The following STXBP5L variants were observed in gnomAD, a reference collection of about 807,000 sequenced individuals.
STXBP5L encodes syntaxin binding protein 5L.
A neutral mutation model predicts 144.5 loss-of-function variants in STXBP5L; 65 were observed. The observed-to-expected ratio is 0.45, with a 90% CI of 0.37 to 0.55. The LOEUF is 0.55. STXBP5L is among the 20% of genes least tolerant of loss of function. STXBP5L has a pLI of 0.00. For missense variants in STXBP5L, 1,298 were observed against 1,405.5 expected (o/e 0.92, Z 1.22); for synonymous variants, 505 against 469.6 (o/e 1.08, Z -0.97).
At chr3:121,044,731 T>C (rs867033863) in intron 4 of STXBP5L, among the ~76,000 whole-genome samples, 6 of 152,262 alleles carry the variant, frequency 3.9e-5, no homozygotes, top group Middle Eastern at 3.4e-3. Context: ...ATACAAACAG[T>C]TATTATCTGT....
At chr3:121,289,609 A>G (rs931389128) in intron 19 of STXBP5L, among the ~76,000 whole-genome samples, 4 of 152,216 alleles carry the variant, frequency 2.6e-5, no homozygotes, top group Non-Finnish European at 4.4e-5. Flanking sequence ...CATTCTATTC[A>G]TGAGCACATG....
intron 5 of STXBP5L, among the ~76,000 whole-genome samples, chr3:121,074,129 G>A (rs1178684075): frequency 1.3e-5 from 2 of 152,120 alleles, no homozygotes; most frequent in African/African-American, 2.4e-5. Flanking sequence ...AAATGATTGG[G>A]GGGTTTTTGA....
At chr3:120,914,495 A>T (rs921500787) in intron 2 of STXBP5L, among the ~76,000 whole-genome samples, 2 of 152,092 alleles carry the variant, frequency 1.3e-5, no homozygotes, top group Non-Finnish European at 2.9e-5. Context: ...AAATACAGGC[A>T]TGAACTGTAG....
chr3:121,276,656 A>G (rs1035066570), intron 18 of STXBP5L, among the ~76,000 whole-genome samples: 21 of 151,980 alleles, frequency 1.4e-4, no homozygotes, highest in African/African-American at 4.8e-4. Context: ...CTTACTGCAA[A>G]GATGCCACTC....
intron 10 of STXBP5L, among the ~76,000 whole-genome samples, chr3:121,215,629 T>C (rs2108269996): frequency 6.6e-6 from 1 of 152,340 alleles, no homozygotes; most frequent in Non-Finnish European, 1.5e-5. Context: ...CTGGCTGCCC[T>C]TAACATTTTT....
At chr3:121,233,541 TA>T in intron 11 of STXBP5L, 74 bp from the exon 12 acceptor site, 1 of 1,077,772 alleles carries the variant, frequency 9.3e-7, no homozygotes, top group Non-Finnish European at 1.3e-6. Flanking sequence ...TGTATAGGGA[TA>T]AAGGAAATGC....
intron 10 of STXBP5L, among the ~76,000 whole-genome samples, chr3:121,216,028 G>A (rs2048764330): frequency 1.3e-5 from 2 of 151,498 alleles, no homozygotes; most frequent in African/African-American, 2.4e-5. Flanking sequence ...CATGTGCTAT[G>A]TTTTTCAGCT....
In STXBP5L at chr3:121,378,871, C is replaced by T; in HGVS notation, c.2332C>T (p.Pro778Ser). ...AGCAGCCTGCATGGAGATTTCTTTA[C>T]CAGTTACAACAGAAGGTATGTTAAA... ...QSAACMEISL[P>S]VTTEENRENS... Residue 778 changes from proline to serine, a missense_variant, in exon 21 of 27, where the codon CCA becomes TCA. Transcript: ENST00000471454. The T allele has an allele frequency of 1.2e-6, 2 of 1,612,938 alleles. No homozygotes were observed. The highest frequency in any genetic ancestry group is 2.2e-5 in the East Asian group (1 of 44,842).
chr3:121,051,798 A>T (rs1027662593), intron 5 of STXBP5L, among the ~76,000 whole-genome samples: 1 of 152,238 alleles, frequency 6.6e-6, no homozygotes, highest in South Asian at 2.1e-4. Context: ...TGAAGCCAGG[A>T]GCTGGTTTTT....
At chr3:121,183,170 A>G (rs760738176) in intron 9 of STXBP5L, among the ~76,000 whole-genome samples, 22 of 152,204 alleles carry the variant, frequency 1.4e-4, no homozygotes, top group Non-Finnish European at 2.6e-4. Flanking sequence ...TCTAAGACAA[A>G]CCCACAGTCA....
At position 121,183,815 on chromosome 3, in the gene STXBP5L, T is replaced by C. The variant is rs554561046; in HGVS notation, c.878-22108T>C. The stretch of plus-strand genomic sequence containing the variant: ...TGACAGACACCTCATACAGGAGAGC[T>C]CCAGCTGGCATCTGGCAAGTGCCCA... On this transcript the variant is annotated intron_variant, in intron 9 of 26. Transcript: ENST00000471454. Among the ~76,000 whole-genome samples the C allele has an allele frequency of 3.3e-5, 5 of 151,982 alleles. No individual in the cohort carries two copies. The East Asian group carries it at 7.8e-4, about 24-fold the overall frequency.
intron 2 of STXBP5L, among the ~76,000 whole-genome samples, chr3:120,919,656 G>A (rs1275797307): frequency 6.6e-6 from 1 of 151,806 alleles, no homozygotes; most frequent in African/African-American, 2.4e-5. Context: ...CTCCCCACTA[G>A]CTATTTGGTG....
chr3:121,129,004 G>A (rs1186699953), intron 7 of STXBP5L, among the ~76,000 whole-genome samples: 1 of 151,976 alleles, frequency 6.6e-6, no homozygotes, highest in East Asian at 1.9e-4. Context: ...GTTAGATATA[G>A]GGTCAGAGCA....
chr3:121,395,356 TCAAA>T (rs1412256802), intron 22 of STXBP5L, among the ~76,000 whole-genome samples: 2 of 152,234 alleles, frequency 1.3e-5, no homozygotes, highest in Non-Finnish European at 2.9e-5. Flanking sequence ...GAAAATTTTT[TCAAA>T]CAAATAAGAA....
intron 19 of STXBP5L, among the ~76,000 whole-genome samples, chr3:121,295,643 TAAAAC>T (rs1272215140): frequency 6.6e-6 from 1 of 152,110 alleles, no homozygotes; most frequent in Non-Finnish European, 1.5e-5. Context: ...GTCAGACAAA[TAAAAC>T]AGTCTCTCAA....
chr3:121,001,507 C>T (rs1049512500), intron 3 of STXBP5L, among the ~76,000 whole-genome samples: 5 of 152,198 alleles, frequency 3.3e-5, no homozygotes, highest in Admixed American at 6.5e-5. Context: ...TGCTCCACTG[C>T]AGCCATTCCC....
chr3:121,282,374 A>G (rs1205833715), intron 19 of STXBP5L: 1 of 1,585,332 alleles, frequency 6.3e-7, no homozygotes, highest in Non-Finnish European at 8.7e-7. Flanking sequence ...AGCCTTTTTA[A>G]GACATAATGC....
intron 19 of STXBP5L, among the ~76,000 whole-genome samples, chr3:121,301,138 A>T (rs564650666): frequency 6.6e-6 from 1 of 152,204 alleles, no homozygotes; most frequent in East Asian, 1.9e-4. Flanking sequence ...TACCTTGGGC[A>T]GTATGGCCAT....
intron 3 of STXBP5L, among the ~76,000 whole-genome samples, chr3:121,009,168 T>C (rs746299658): frequency 4.6e-5 from 7 of 152,004 alleles, no homozygotes; most frequent in Non-Finnish European, 7.4e-5. Flanking sequence ...GGCTGACTTA[T>C]CTTCACCAAT....
Sources: allele counts gnomAD v4.1 joint callset (sites outside exome capture counted in the v4.1 genomes callset), GRCh38; gene constraint gnomAD v4.1.1; transcripts MANE v1.5; gene names NCBI Gene and HGNC (gene_info 2026-07-23, HGNC 2026-07-21).